The following CTNNA2 variants were observed in gnomAD, a reference collection of about 807,000 sequenced individuals.
The protein encoded by CTNNA2 is catenin alpha 2, also known as catenin alpha-2.
Under a neutral mutation model 101.0 loss-of-function variants are expected in CTNNA2, and 42 were observed. That is an observed-to-expected ratio of 0.42 (90% confidence interval 0.32 to 0.54). The LOEUF (loss-of-function observed/expected upper bound fraction) is 0.54. Among genes scored for constraint, CTNNA2 ranks in the 20% least tolerant of loss-of-function variants. CTNNA2 has a pLI of 0.14. For synonymous variants in CTNNA2, 450 were observed against 456.4 expected (o/e 0.99, Z 0.18); for missense variants, 871 against 1,223.1 (o/e 0.71, Z 4.29).
At chr2:79,239,065 A>G (rs1674591349) in intron 2 of CTNNA2, among the ~76,000 whole-genome samples, 1 of 152,132 alleles carries the variant, frequency 6.6e-6, no homozygotes, top group Non-Finnish European at 1.5e-5. Context: ...CCCATCACCC[A>G]GGTATTAAGC....
intron 9 of CTNNA2, among the ~76,000 whole-genome samples, chr2:80,463,924 T>G (rs148098849): frequency 0.011 from 1,649 of 152,304 alleles, 19 homozygotes; most frequent in Middle Eastern, 0.044. Context: ...TAGGGACTTG[T>G]AGCTCATGGA....
chr2:79,393,843 G>C (rs144857228), intron 4 of CTNNA2, among the ~76,000 whole-genome samples: 2 of 152,140 alleles, frequency 1.3e-5, no homozygotes, highest in East Asian at 3.9e-4. Flanking sequence ...CTGCAGGATC[G>C]GCTTCAATTC....
At chr2:80,479,818 A>T (rs1245794831) in intron 9 of CTNNA2, among the ~76,000 whole-genome samples, 2 of 152,160 alleles carry the variant, frequency 1.3e-5, no homozygotes, top group African/African-American at 4.8e-5. Flanking sequence ...TGTGATAGGA[A>T]ATTGGAGTCC....
intron 2 of CTNNA2, among the ~76,000 whole-genome samples, chr2:79,245,350 T>C (rs553418375): frequency 1.3e-5 from 2 of 152,322 alleles, no homozygotes; most frequent in South Asian, 4.1e-4. Flanking sequence ...CTCAGAAGGC[T>C]GAGGCACAAT....
At chr2:80,392,487 G>A (rs1356026505) in intron 7 of CTNNA2, among the ~76,000 whole-genome samples, 1 of 151,910 alleles carries the variant, frequency 6.6e-6, no homozygotes, top group Non-Finnish European at 1.5e-5. Context: ...AGTTTTAATT[G>A]TTTTTCTGTA....
intron 12 of CTNNA2, among the ~76,000 whole-genome samples, chr2:80,557,404 A>G (rs117900467): frequency 6.6e-6 from 1 of 152,280 alleles, no homozygotes; most frequent in East Asian, 1.9e-4. Context: ...ACCTTTAGGG[A>G]GACCATCTCA....
intron 1 of CTNNA2, among the ~76,000 whole-genome samples, chr2:79,633,073 G>T (rs1358990820): frequency 6.6e-6 from 1 of 152,192 alleles, no homozygotes; most frequent in Non-Finnish European, 1.5e-5. Flanking sequence ...CACAAAGAAT[G>T]CTATTTGAAA....
At chr2:79,971,559 T>C (rs1475780368) in intron 7 of CTNNA2, among the ~76,000 whole-genome samples, 1 of 152,204 alleles carries the variant, frequency 6.6e-6, no homozygotes, top group East Asian at 1.9e-4. Context: ...ATTTGGTATT[T>C]ATAATTATCC....
intron 8 of CTNNA2, among the ~76,000 whole-genome samples, chr2:80,395,000 C>T (rs1407888629): frequency 1.3e-5 from 2 of 152,216 alleles, no homozygotes; most frequent in East Asian, 3.9e-4. Context: ...AGAACAAGCC[C>T]CCTCAGCTCT....
At chr2:79,440,727 G>A (rs974904102) in intron 4 of CTNNA2, among the ~76,000 whole-genome samples, 2 of 152,078 alleles carry the variant, frequency 1.3e-5, no homozygotes, top group Admixed American at 1.3e-4. Context: ...AAGAGTGAAT[G>A]TGCTCCCCTG....
intron 7 of CTNNA2, among the ~76,000 whole-genome samples, chr2:80,132,095 A>G (rs976891077): frequency 1.3e-5 from 2 of 152,146 alleles, no homozygotes; most frequent in Admixed American, 6.6e-5. Context: ...AAACATGTAT[A>G]TATAAATATA....
intron 7 of CTNNA2, among the ~76,000 whole-genome samples, chr2:80,195,653 G>A (rs987257867): frequency 4.0e-5 from 6 of 149,872 alleles, no homozygotes; most frequent in Non-Finnish European, 7.4e-5. Flanking sequence ...ATATGATTTA[G>A]GACATTAAAA....
At chr2:79,289,858 G>A (rs1236735346) in intron 2 of CTNNA2, among the ~76,000 whole-genome samples, 1 of 152,140 alleles carries the variant, frequency 6.6e-6, no homozygotes, top group Admixed American at 6.5e-5. Context: ...TAATACTTAG[G>A]AGTGAGGGCT....
At chr2:79,240,893 C>T (rs1409915448) in intron 2 of CTNNA2, among the ~76,000 whole-genome samples, 1 of 152,090 alleles carries the variant, frequency 6.6e-6, no homozygotes, top group African/African-American at 2.4e-5. Context: ...CTTTATTTCT[C>T]CCCTGGTCAT....
chr2:79,961,594 G>A (rs1005111399), intron 7 of CTNNA2, among the ~76,000 whole-genome samples: 11 of 151,838 alleles, frequency 7.2e-5, no homozygotes, highest in Admixed American at 1.3e-4. Flanking sequence ...AGGCTGAGGC[G>A]GGCGGATCAC....
In CTNNA2 at chr2:79,911,673, T is replaced by C. The variant is rs1411241900; in HGVS notation, c.1056+1876T>C. On this transcript the variant is annotated intron_variant, in intron 7 of 18. Coordinates refer to ENST00000402739, the MANE Select transcript of CTNNA2 (RefSeq NM_001282597.3). ...TGAAATCTTAGTTTCTATTTTGACATGGTTACAGACAATACATCAATGGGT... is the reference window on the plus strand; with the variant it reads ...TGAAATCTTAGTTTCTATTTTGACACGGTTACAGACAATACATCAATGGGT... Among the ~76,000 whole-genome samples the C allele has an allele frequency of 2.6e-5, 4 of 152,368 alleles. No individual in the cohort carries two copies. The East Asian group carries it at 7.7e-4, about 29-fold the overall frequency.
At chr2:80,383,882 G>T (rs1676748931) in intron 7 of CTNNA2, among the ~76,000 whole-genome samples, 1 of 152,066 alleles carries the variant, frequency 6.6e-6, no homozygotes, top group African/African-American at 2.4e-5. Context: ...GTTTATTGCA[G>T]CACTCTTCAC....
chr2:80,174,585 C>T (rs948893330), intron 7 of CTNNA2, among the ~76,000 whole-genome samples: 2 of 152,162 alleles, frequency 1.3e-5, no homozygotes, highest in Non-Finnish European at 2.9e-5. Flanking sequence ...GAGTTCCTAA[C>T]GATAGTCTCC....
intron 7 of CTNNA2, among the ~76,000 whole-genome samples, chr2:80,311,703 G>A (rs1467393990): frequency 6.6e-5 from 10 of 152,238 alleles, no homozygotes. Context: ...ATGCATTTGT[G>A]AAATGCACAA....
Sources: gnomAD v4.1 joint callset for allele counts (sites outside exome capture counted in the v4.1 genomes callset) on GRCh38, gnomAD v4.1.1 for gene constraint, MANE v1.5 for transcripts, NCBI Gene and HGNC (gene_info 2026-07-23, HGNC 2026-07-21) for gene names.